NELL2: variants seen among roughly 807,000 people sequenced by gnomAD.
The protein encoded by NELL2 is protein kinase C-binding protein NELL2.
A neutral mutation model predicts 109.6 loss-of-function variants in NELL2; 41 were observed. The ratio of observed to expected loss-of-function variants is 0.37; its 90% CI spans 0.29 to 0.49. The LOEUF (loss-of-function observed/expected upper bound fraction) is 0.49, where lower values mean the gene tolerates loss of function less well. NELL2 is among the 20% of genes least tolerant of loss of function. The pLI is 0.98. For synonymous variants in NELL2, 355 were observed against 344.7 expected, an observed-to-expected ratio of 1.03 and a Z score of -0.33; for missense variants, 900 against 1,008.3, an observed-to-expected ratio of 0.89 and a Z score of 1.45.
chr12:44,774,725 T>A lies in NELL2; in HGVS notation c.994+22A>T, dbSNP rs979847306. The A allele has an allele frequency of 3.8e-6, 6 of 1,577,302 alleles. No individual in the cohort carries two copies. In the African/African-American group the frequency reaches 6.7e-5, roughly 18 times the overall value. On this transcript the variant is annotated intron_variant, in intron 9 of 19. Transcript: ENST00000429094. ...TGCTTTATTTTTCCAAAGAAAGTAT[T>A]CATCATAAAAGTTATGCTCACATTT...
chr12:44,718,080 A>C (rs1003874676), intron 9 of NELL2, among the ~76,000 whole-genome samples: 1 of 152,186 alleles, frequency 6.6e-6, no homozygotes, highest in Non-Finnish European at 1.5e-5. Flanking sequence ...TGAAAGAGAA[A>C]ACTGATATTT....
chr12:44,691,515 T>C (rs1390375860), intron 12 of NELL2, among the ~76,000 whole-genome samples: 1 of 152,146 alleles, frequency 6.6e-6, no homozygotes, highest in African/African-American at 2.4e-5. Flanking sequence ...AATTAATAAG[T>C]GTTCAAGTGA....
intron 3 of NELL2, among the ~76,000 whole-genome samples, chr12:44,810,989 T>C (rs992220672): frequency 6.6e-6 from 1 of 152,064 alleles, no homozygotes; most frequent in Non-Finnish European, 1.5e-5. Context: ...ATGAAATACA[T>C]GCGGCCATAA....
intron 15 of NELL2, among the ~76,000 whole-genome samples, chr12:44,563,444 G>A (rs61930801): frequency 0.13 from 19,765 of 151,986 alleles, 1,742 homozygotes; most frequent in South Asian, 0.31. Flanking sequence ...TGCTTTAAAA[G>A]TGATATATTA....
chr12:44,915,554 G>C (rs1945822547), upstream of NELL2, among the ~76,000 whole-genome samples: 1 of 152,124 alleles, frequency 6.6e-6, no homozygotes, highest in Non-Finnish European at 1.5e-5. Context: ...CATCTTCTGT[G>C]ACCATTTAAT....
chr12:44,783,784 C>A (rs1292419732), intron 3 of NELL2, among the ~76,000 whole-genome samples: 2 of 151,894 alleles, frequency 1.3e-5, no homozygotes, highest in African/African-American at 4.8e-5. Flanking sequence ...CAATCGCTTC[C>A]AGAAAGTAAC....
At chr12:44,557,374 TAG>T (rs919845711) in intron 15 of NELL2, among the ~76,000 whole-genome samples, 1 of 152,084 alleles carries the variant, frequency 6.6e-6, no homozygotes, top group Non-Finnish European at 1.5e-5. Flanking sequence ...CAGTTAAGGG[TAG>T]AGACGGGGCA....
chr12:44,903,601 C>A (rs920722038), intron 1 of NELL2, among the ~76,000 whole-genome samples: 2 of 152,098 alleles, frequency 1.3e-5, no homozygotes, highest in African/African-American at 2.4e-5. Context: ...ATGTTTATTG[C>A]AGCACTATTC....
chr12:44,639,712 C>T (rs1293223737), intron 13 of NELL2, among the ~76,000 whole-genome samples: 1 of 152,108 alleles, frequency 6.6e-6, no homozygotes, highest in African/African-American at 2.4e-5. Flanking sequence ...TCTTAATTCC[C>T]TTCTATTTCT....
chr12:44,763,372 A>C (rs1437827852), intron 9 of NELL2, among the ~76,000 whole-genome samples: 1 of 152,204 alleles, frequency 6.6e-6, no homozygotes, highest in Non-Finnish European at 1.5e-5. Context: ...GTTTAAAAGC[A>C]TGATGCTTAC....
At chr12:44,622,648 A>G (rs1946100510) in intron 13 of NELL2, among the ~76,000 whole-genome samples, 1 of 152,164 alleles carries the variant, frequency 6.6e-6, no homozygotes, top group Admixed American at 6.6e-5. Flanking sequence ...TTTCCAATGA[A>G]TTTTAAGATA....
At chr12:44,586,606 A>T (rs565634150) in intron 15 of NELL2, among the ~76,000 whole-genome samples, 1 of 152,300 alleles carries the variant, frequency 6.6e-6, no homozygotes, top group South Asian at 2.1e-4. Flanking sequence ...GGCACTCTAC[A>T]TTATTAACCT....
chr12:44,533,310 A>G (rs921103369), intron 15 of NELL2, among the ~76,000 whole-genome samples: 1 of 152,210 alleles, frequency 6.6e-6, no homozygotes, highest in African/African-American at 2.4e-5. Context: ...ACACTCTAAT[A>G]TAGATGACAA....
At chr12:44,800,374 C>CGA (rs147768132) in intron 3 of NELL2, among the ~76,000 whole-genome samples, 7 of 150,906 alleles carry the variant, frequency 4.6e-5, no homozygotes, top group East Asian at 1.9e-4. Flanking sequence ...TGAATTGAGA[C>CGA]GAGAGAGAGA....
chr12:44,764,140 C>A, intron 9 of NELL2, among the ~76,000 whole-genome samples: 1 of 152,118 alleles, frequency 6.6e-6, no homozygotes, highest in East Asian at 1.9e-4. Context: ...AAGAAGAATT[C>A]GACATTATCA....
intron 15 of NELL2, among the ~76,000 whole-genome samples, chr12:44,556,022 C>G (rs1165527388): frequency 6.6e-6 from 1 of 152,176 alleles, no homozygotes; most frequent in African/African-American, 2.4e-5. Flanking sequence ...AAGTACCAAT[C>G]TGGACTATTG....
intron 16 of NELL2, among the ~76,000 whole-genome samples, chr12:44,528,097 C>CAAAAAAAAAAAAAAAAAAAAA (rs71093812): frequency 5.9e-4 from 13 of 22,002 alleles, no homozygotes; most frequent in East Asian, 2.4e-3. Context: ...GACTCCGTCT[C>CAAAAAAAAAAAAAAAAAAAAA]AAAAAAAAAA....
chr12:44,677,332 G>A (rs1948353350), intron 12 of NELL2, among the ~76,000 whole-genome samples: 2 of 152,014 alleles, frequency 1.3e-5, no homozygotes, highest in Admixed American at 1.3e-4. Context: ...TCTAAAACAT[G>A]TCATATATAC....
chr12:44,831,844 C>T (rs766458557), intron 2 of NELL2, among the ~76,000 whole-genome samples: 3 of 152,126 alleles, frequency 2.0e-5, no homozygotes, highest in Non-Finnish European at 4.4e-5. Context: ...AGCCCGGAAC[C>T]ACCTGCCTGC....
Sources: allele counts gnomAD v4.1 joint callset (sites outside exome capture counted in the v4.1 genomes callset), GRCh38; gene constraint gnomAD v4.1.1; transcripts MANE v1.5; gene names NCBI Gene and HGNC (gene_info 2026-07-23, HGNC 2026-07-21).